The following FBXO34 variants were observed in gnomAD, a reference collection of about 807,000 sequenced individuals.
FBXO34 encodes F-box only protein 34.
Under a neutral mutation model 24.5 loss-of-function variants are expected in FBXO34, and 12 were observed. The ratio of observed to expected loss-of-function variants is 0.49; its 90% CI spans 0.31 to 0.79. The LOEUF (loss-of-function observed/expected upper bound fraction) is 0.79. FBXO34 is among the 30% of genes least tolerant of loss of function. FBXO34 has a pLI of 0.04. For synonymous variants in FBXO34, 320 were observed against 311.9 expected (o/e 1.03, Z -0.27); for missense variants, 823 against 857.7 (o/e 0.96, Z 0.51).
intron 1 of FBXO34, among the ~76,000 whole-genome samples, chr14:55,312,642 C>G (rs1307278420): frequency 6.6e-6 from 1 of 152,242 alleles, no homozygotes; most frequent in African/African-American, 2.4e-5. Context: ...CAATTCTTGA[C>G]TTTCGTGCAC....
the FBXO34 span, among the ~76,000 whole-genome samples, chr14:55,410,638 G>A: frequency 2.0e-5 from 3 of 152,282 alleles, no homozygotes; most frequent in East Asian, 5.8e-4. Flanking sequence ...GGTTAAGTGC[G>A]GGTACATAGG....
chr14:55,433,840 G>T, the FBXO34 span: 2 of 792,128 alleles, frequency 2.5e-6, no homozygotes, highest in South Asian at 2.3e-5. Flanking sequence ...TAAATGTCTG[G>T]GTCTTTTCTC....
intron 1 of FBXO34, among the ~76,000 whole-genome samples, chr14:55,277,930 T>C (rs952054024): frequency 6.6e-6 from 1 of 152,222 alleles, no homozygotes; most frequent in African/African-American, 2.4e-5. Flanking sequence ...GAGAAAGATA[T>C]GTAAACTTTG....
intron 1 of FBXO34, chr14:55,271,823 A>T (rs1371518349): frequency 1.3e-5 from 2 of 151,518 alleles, no homozygotes; most frequent in East Asian, 3.9e-4. Flanking sequence ...GTCCCCGCTG[A>T]AGCCGAGGAG....
At chr14:55,388,123 C>G in the FBXO34 span, among the ~76,000 whole-genome samples, 7 of 152,108 alleles carry the variant, frequency 4.6e-5, no homozygotes, top group Non-Finnish European at 8.8e-5. Flanking sequence ...GGCGAAAGAG[C>G]GAGACTCCAT....
At chr14:55,393,189 G>A in the FBXO34 span, among the ~76,000 whole-genome samples, 18 of 151,944 alleles carry the variant, frequency 1.2e-4, no homozygotes, top group South Asian at 3.8e-3. Context: ...AGACCATCCT[G>A]GCTAACACGG....
At chr14:55,371,212 T>C (rs1884809613), downstream of FBXO34, among the ~76,000 whole-genome samples, 1 of 152,194 alleles carries the variant, frequency 6.6e-6, no homozygotes, top group Non-Finnish European at 1.5e-5. Context: ...CAGGCAGAAA[T>C]GAGAGCCTAG....
At chr14:55,380,576 T>C in the FBXO34 span, 7 of 1,598,720 alleles carry the variant, frequency 4.4e-6, no homozygotes, top group African/African-American at 1.3e-5. Context: ...TACTTGCCTG[T>C]TGCAGAGCTT....
intron 1 of FBXO34, among the ~76,000 whole-genome samples, chr14:55,278,268 T>C (rs574232411): frequency 7.1e-4 from 108 of 152,278 alleles, no homozygotes; most frequent in Non-Finnish European, 1.1e-3. Flanking sequence ...GAACTCATTT[T>C]CCCCAGATTC....
intron 1 of FBXO34, among the ~76,000 whole-genome samples, chr14:55,308,222 A>G (rs1467054929): frequency 6.6e-6 from 1 of 152,242 alleles, no homozygotes; most frequent in Non-Finnish European, 1.5e-5. Flanking sequence ...ACAGGCACAT[A>G]TCTGACTCCA....
the FBXO34 span, among the ~76,000 whole-genome samples, chr14:55,379,848 A>G: frequency 3.3e-5 from 5 of 152,200 alleles, no homozygotes; most frequent in Admixed American, 6.5e-5. Context: ...TCAGCCTCCA[A>G]ATAGCTGGGA....
chr14:55,318,097 C>A (rs1464799909), intron 1 of FBXO34: 1 of 151,728 alleles, frequency 6.6e-6, no homozygotes, highest in Non-Finnish European at 1.5e-5. Flanking sequence ...TTAACTCTTA[C>A]TCATTTATTT....
chr14:55,440,763 C>A, the FBXO34 span: 1 of 532,662 alleles, frequency 1.9e-6, no homozygotes, highest in Non-Finnish European at 3.3e-6. Context: ...AGGGCCTGGG[C>A]CTGCAGATTT....
the FBXO34 span, among the ~76,000 whole-genome samples, chr14:55,407,223 G>A: frequency 1.3e-5 from 2 of 152,152 alleles, no homozygotes; most frequent in Non-Finnish European, 2.9e-5. Context: ...CCGCCTCCCG[G>A]GTTCAGGCAA....
intron 1 of FBXO34, among the ~76,000 whole-genome samples, chr14:55,288,470 C>T (rs1488608417): frequency 6.6e-6 from 1 of 151,938 alleles, no homozygotes; most frequent in African/African-American, 2.4e-5. Context: ...GTTGTTTATG[C>T]CATGAAAAAG....
the FBXO34 span, among the ~76,000 whole-genome samples, chr14:55,424,748 A>C: frequency 6.6e-6 from 1 of 152,228 alleles, no homozygotes; most frequent in Non-Finnish European, 1.5e-5. Context: ...ATAAATAAAG[A>C]AAATCCAATT....
intron 1 of FBXO34, among the ~76,000 whole-genome samples, chr14:55,278,430 C>T (rs372942048): frequency 7.8e-4 from 118 of 152,230 alleles, no homozygotes; most frequent in African/African-American, 2.8e-3. Context: ...CTCAAATTCA[C>T]TGGCTCACAA....
At chr14:55,420,632 A>C in the FBXO34 span, among the ~76,000 whole-genome samples, 2 of 152,254 alleles carry the variant, frequency 1.3e-5, no homozygotes, top group Non-Finnish European at 2.9e-5. Context: ...CATGTCTTGC[A>C]AGAAATTTAA....
chr14:55,286,596 G>A (rs1881768905), intron 1 of FBXO34, among the ~76,000 whole-genome samples: 1 of 152,180 alleles, frequency 6.6e-6, no homozygotes, highest in African/African-American at 2.4e-5. Context: ...GTATTGGAAA[G>A]TGTAGTGTTT....
Sources: allele counts gnomAD v4.1 joint callset (sites outside exome capture counted in the v4.1 genomes callset), GRCh38; gene constraint gnomAD v4.1.1; transcripts MANE v1.5; gene names NCBI Gene and HGNC (gene_info 2026-07-23, HGNC 2026-07-21).